Variants in SPOCK3 observed in about 807,000 individuals in gnomAD.
SPOCK3 encodes the protein SPARC (osteonectin), cwcv and kazal like domains proteoglycan 3, also known as testican-3.
Under a neutral mutation model 56.6 loss-of-function variants are expected in SPOCK3, and 30 were observed. The observed-to-expected ratio is 0.53, with a 90% CI of 0.40 to 0.72. The LOEUF is 0.72. SPOCK3 is among the 30% of genes least tolerant of loss of function. The probability of loss-of-function intolerance (pLI) is 0.00; values close to 1 mark genes in which losing one functional copy is unlikely to be tolerated. For missense variants in SPOCK3, 527 were observed against 530.0 expected (o/e 0.99, Z 0.06); for synonymous variants, 196 against 183.3 (o/e 1.07, Z -0.56).
At chr4:166,905,617 T>A (rs768663038) in intron 5 of SPOCK3, among the ~76,000 whole-genome samples, 9 of 152,004 alleles carry the variant, frequency 5.9e-5, no homozygotes, top group Non-Finnish European at 1.5e-5. Flanking sequence ...AGGAGATACA[T>A]TGAACATTGT....
chr4:166,971,256 TTG>T (rs1054790675), intron 4 of SPOCK3, among the ~76,000 whole-genome samples: 36 of 152,122 alleles, frequency 2.4e-4, no homozygotes, highest in Admixed American at 2.3e-3. Flanking sequence ...TTCTGCTATT[TTG>T]TGTTTTTATT....
At chr4:166,858,156 C>T (rs577579970) in intron 6 of SPOCK3, among the ~76,000 whole-genome samples, 1 of 152,322 alleles carries the variant, frequency 6.6e-6, no homozygotes, top group African/African-American at 2.4e-5. Context: ...TTCCATTATA[C>T]TCACTGACCA....
chr4:166,846,821 A>G (rs1295322586), intron 6 of SPOCK3, among the ~76,000 whole-genome samples: 10 of 152,296 alleles, frequency 6.6e-5, no homozygotes, highest in Middle Eastern at 3.4e-3. Context: ...CTTTAATGAC[A>G]TATTTAAGAA....
intron 2 of SPOCK3, among the ~76,000 whole-genome samples, chr4:167,132,724 G>A (rs537149093): frequency 2.2e-4 from 33 of 152,046 alleles, no homozygotes; most frequent in Non-Finnish European, 4.3e-4. Context: ...TCTTAGCTTC[G>A]GATAGCTGCC....
At chr4:167,076,644 A>G (rs369121126) in intron 2 of SPOCK3, among the ~76,000 whole-genome samples, 122 of 151,992 alleles carry the variant, frequency 8.0e-4, no homozygotes, top group South Asian at 5.8e-3. Context: ...CTGTATGTTC[A>G]CAAATATCCC....
intron 2 of SPOCK3, among the ~76,000 whole-genome samples, chr4:167,129,811 T>G (rs1762564375): frequency 6.6e-6 from 1 of 152,018 alleles, no homozygotes; most frequent in Non-Finnish European, 1.5e-5. Flanking sequence ...AAACTGTCAG[T>G]TTTGAAACTG....
chr4:167,018,183 G>A (rs1390947401), intron 3 of SPOCK3, among the ~76,000 whole-genome samples: 2 of 152,078 alleles, frequency 1.3e-5, no homozygotes, highest in Non-Finnish European at 2.9e-5. Flanking sequence ...CTAATTCTTA[G>A]AAAGTGTTTG....
At chr4:167,221,671 T>A (rs932691943) in intron 2 of SPOCK3, among the ~76,000 whole-genome samples, 79 of 152,284 alleles carry the variant, frequency 5.2e-4, no homozygotes, top group African/African-American at 1.8e-3. Context: ...TCAGAAATGC[T>A]GTACAAGTGG....
At chr4:166,830,716 G>A (rs958794025) in intron 6 of SPOCK3, among the ~76,000 whole-genome samples, 2 of 152,094 alleles carry the variant, frequency 1.3e-5, no homozygotes, top group East Asian at 3.9e-4. Flanking sequence ...CCTGGGCACA[G>A]AGTAAGACTT....
At chr4:167,027,055 G>A (rs2150173160) in intron 3 of SPOCK3, among the ~76,000 whole-genome samples, 1 of 151,704 alleles carries the variant, frequency 6.6e-6, no homozygotes, top group Middle Eastern at 3.4e-3. Context: ...CCTGGAATTT[G>A]GCCACCCCCT....
intron 2 of SPOCK3, among the ~76,000 whole-genome samples, chr4:167,126,199 G>A (rs890444430): frequency 5.3e-5 from 8 of 152,090 alleles, no homozygotes; most frequent in Non-Finnish European, 8.8e-5. Flanking sequence ...TGACACCTAC[G>A]GTAAGGTCAG....
intron 6 of SPOCK3, among the ~76,000 whole-genome samples, chr4:166,877,283 A>C (rs1733196049): frequency 6.6e-6 from 1 of 152,178 alleles, no homozygotes; most frequent in East Asian, 1.9e-4. Context: ...TGATTCAAAA[A>C]GTAGATTTCT....
chr4:166,787,731 A>G (rs1487187784), intron 7 of SPOCK3, among the ~76,000 whole-genome samples: 2 of 152,188 alleles, frequency 1.3e-5, no homozygotes, highest in Non-Finnish European at 2.9e-5. Context: ...CTGGTTTTAT[A>G]TTATTTAATA....
chr4:167,108,228 C>T (rs756243975), intron 2 of SPOCK3, among the ~76,000 whole-genome samples: 2 of 151,946 alleles, frequency 1.3e-5, no homozygotes, highest in Non-Finnish European at 2.9e-5. Context: ...ACTATAACCA[C>T]TATGGAGAAC....
intron 3 of SPOCK3, among the ~76,000 whole-genome samples, chr4:167,052,065 G>T (rs1754271437): frequency 6.6e-6 from 1 of 152,144 alleles, no homozygotes; most frequent in Non-Finnish European, 1.5e-5. Context: ...TTTACCTTAT[G>T]AATTAAAAAC....
At chr4:167,126,194 C>A (rs1380012530) in intron 2 of SPOCK3, among the ~76,000 whole-genome samples, 1 of 152,156 alleles carries the variant, frequency 6.6e-6, no homozygotes, top group African/African-American at 2.4e-5. Flanking sequence ...ATGTTTGACA[C>A]CTACGGTAAG....
At chr4:166,839,758 T>C (rs753220353) in intron 6 of SPOCK3, among the ~76,000 whole-genome samples, 19 of 152,162 alleles carry the variant, frequency 1.2e-4, no homozygotes, top group Non-Finnish European at 2.4e-4. Flanking sequence ...TCTTAACAAA[T>C]TATGGGTATG....
chr4:167,093,983 C>G (rs1357817183), intron 2 of SPOCK3, among the ~76,000 whole-genome samples: 2 of 152,150 alleles, frequency 1.3e-5, no homozygotes, highest in African/African-American at 2.4e-5. Flanking sequence ...AGTAAATAGA[C>G]TAAGAATTCT....
intron 5 of SPOCK3, among the ~76,000 whole-genome samples, chr4:166,899,100 A>C (rs1735722843): frequency 6.6e-6 from 1 of 151,998 alleles, no homozygotes; most frequent in African/African-American, 2.4e-5. Context: ...GGACTTAACC[A>C]TCTGGCCCTT....
Sources: gnomAD v4.1 joint callset for allele counts (sites outside exome capture counted in the v4.1 genomes callset) on GRCh38, gnomAD v4.1.1 for gene constraint, MANE v1.5 for transcripts, NCBI Gene and HGNC (gene_info 2026-07-23, HGNC 2026-07-21) for gene names.